The following COL4A6 variants were observed in gnomAD, a reference collection of about 807,000 sequenced individuals.
COL4A6 encodes collagen alpha-6(IV) chain.
A neutral mutation model predicts 126.7 loss-of-function variants in COL4A6; 59 were observed. The ratio of observed to expected loss-of-function variants is 0.47; its 90% confidence interval spans 0.38 to 0.58. COL4A6 has a LOEUF of 0.58. Ranked by LOEUF, COL4A6 falls within the 20% of genes least tolerant of loss-of-function variation. COL4A6 has a pLI of 0.00. For missense variants in COL4A6, 1,285 were observed against 1,337.3 expected, an observed-to-expected ratio of 0.96 and a Z score of 0.61; for synonymous variants, 547 against 496.6, an observed-to-expected ratio of 1.10 and a Z score of -1.35.
At position 108,160,622 on chromosome X, in the gene COL4A6, G is replaced by T. The variant is rs1370035288; in HGVS notation, c.4366C>A (p.Pro1456Thr). 2 of 1,208,305 alleles carry T rather than the reference G, an allele frequency of 1.7e-6. No homozygotes were observed. Among genetic ancestry groups the T allele is most frequent in the East Asian group, 3.0e-5 (1 of 33,742 alleles). ...CTCATGCTCTGGCCAGGCATTCCAG[G>T]CATCCCGAAGGGGCCTTGCTGCCCT... ...APGQQGPFGM[P>T]GMPGQSMRVG... is the part of the protein sequence containing the mutation. Residue 1456 changes from proline to threonine, a missense_variant, in exon 43 of 45, where the codon CCT becomes ACT. Transcript: ENST00000334504.
intron 2 of COL4A6, among the ~76,000 whole-genome samples, chrX:108,391,216 A>G (rs1313728801): frequency 1.8e-5 from 2 of 112,028 alleles, no homozygotes; most frequent in African/African-American, 3.3e-5. Context: ...ATCAGAGCAC[A>G]AACGCTGTGC....
At chrX:108,306,946 C>G (rs1022734937) in intron 3 of COL4A6, among the ~76,000 whole-genome samples, 1 of 110,258 alleles carries the variant, frequency 9.1e-6, no homozygotes, top group African/African-American at 3.3e-5. Context: ...TTAAGGAATA[C>G]TAGGCTCAGA....
chrX:108,379,381 C>T (rs2040513921), intron 2 of COL4A6, among the ~76,000 whole-genome samples: 1 of 108,115 alleles, frequency 9.2e-6, no homozygotes, highest in South Asian at 4.2e-4. Context: ...TCTTGAGTAG[C>T]TGGGACTACA....
chrX:108,197,521 T>C (rs1214653160), intron 13 of COL4A6, among the ~76,000 whole-genome samples: 1 of 112,117 alleles, frequency 8.9e-6, no homozygotes, highest in Non-Finnish European at 1.9e-5. Context: ...AAGGAGGCAA[T>C]GAAGAAAAGG....
chrX:108,378,643 C>G (rs772086637), intron 2 of COL4A6, among the ~76,000 whole-genome samples: 1 of 112,640 alleles, frequency 8.9e-6, no homozygotes, highest in South Asian at 3.7e-4. Context: ...TTGTATGCCA[C>G]TTCCAGGTAT....
intron 3 of COL4A6, among the ~76,000 whole-genome samples, chrX:108,237,656 T>C (rs2036461487): frequency 8.9e-6 from 1 of 112,031 alleles, no homozygotes; most frequent in Non-Finnish European, 1.9e-5. Flanking sequence ...AAGAGCCAAG[T>C]TAATTACATC....
chrX:108,258,002 G>T (rs1380861574), intron 3 of COL4A6, among the ~76,000 whole-genome samples: 6 of 111,770 alleles, frequency 5.4e-5, no homozygotes, highest in Non-Finnish European at 1.1e-4. Context: ...AAGAATGTTT[G>T]TCAGAAGTTG....
intron 13 of COL4A6, among the ~76,000 whole-genome samples, chrX:108,198,456 GAAA>G (rs1048094213): frequency 9.2e-6 from 1 of 108,430 alleles, no homozygotes; most frequent in Non-Finnish European, 1.9e-5. Context: ...ATGTAAAAAG[GAAA>G]AAAAAAGACA....
intron 2 of COL4A6, among the ~76,000 whole-genome samples, chrX:108,391,346 A>G (rs1179972892): frequency 1.8e-5 from 2 of 111,686 alleles, no homozygotes; most frequent in African/African-American, 3.3e-5. Context: ...GGTTTTATCT[A>G]TAAGTCCCTG....
At chrX:108,370,297 C>T (rs2040295709) in intron 2 of COL4A6, among the ~76,000 whole-genome samples, 1 of 111,774 alleles carries the variant, frequency 8.9e-6, no homozygotes, top group African/African-American at 3.3e-5. Flanking sequence ...ATACAACTCC[C>T]TTTATTTTCT....
rs187717752 is a variant in COL4A6, at chrX:108,293,344, G to A, written c.144+17404C>T. 2.1e-4 allele frequency among the ~76,000 whole-genome samples: 24 copies of A among 111,644 alleles called. 1 individual carries two copies. The highest frequency in any genetic ancestry group is 3.8e-4 in the Non-Finnish European group (20 of 53,161). On this transcript the variant is annotated intron_variant, in intron 3 of 44. Transcript: ENST00000334504. ...AATACATAATAAAGCCCTTAGCAAA[G>A]TGTCTCACCTATGATAAGTACTTAA...
At chrX:108,356,874 T>C (rs190681927) in intron 2 of COL4A6, among the ~76,000 whole-genome samples, 7 of 107,369 alleles carry the variant, frequency 6.5e-5, no homozygotes, top group African/African-American at 2.4e-4. Context: ...TCTATTAGAA[T>C]AATAAGAGCA....
At chrX:108,435,990 C>T (rs769998893) in intron 2 of COL4A6, among the ~76,000 whole-genome samples, 2 of 111,198 alleles carry the variant, frequency 1.8e-5, no homozygotes, top group African/African-American at 6.5e-5. Flanking sequence ...AGAACCAGCC[C>T]GTATAGATAA....
Position 108,229,151 on chromosome X carries a change from T to C in COL4A6, c.145-7777A>G, listed in dbSNP as rs1474251979. 2.7e-5 allele frequency among the ~76,000 whole-genome samples: 3 copies of C among 112,125 alleles called. No homozygotes were observed. In the East Asian group the frequency reaches 8.4e-4, roughly 31 times the overall value. On this transcript the variant is annotated intron_variant, in intron 3 of 44. Coordinates refer to ENST00000334504, the MANE Select transcript of COL4A6 (RefSeq NM_033641.4). ...AATTTACAGATGCTGAGGTGTTTAA[T>C]CTGGTACATTAGCATGTTTTGTTTT...
chrX:108,306,370 G>A (rs754345180), intron 3 of COL4A6, among the ~76,000 whole-genome samples: 1 of 111,639 alleles, frequency 9.0e-6, no homozygotes, highest in Non-Finnish European at 1.9e-5. Flanking sequence ...CACCCAAGGA[G>A]GTGATATAAA....
intron 2 of COL4A6, among the ~76,000 whole-genome samples, chrX:108,372,664 C>G (rs1358348233): frequency 9.0e-6 from 1 of 111,658 alleles, no homozygotes; most frequent in Admixed American, 9.5e-5. Flanking sequence ...AAAGCTCAGT[C>G]TCTAAGGAGG....
intron 2 of COL4A6, among the ~76,000 whole-genome samples, chrX:108,399,730 A>G (rs1229316883): frequency 8.9e-6 from 1 of 111,839 alleles, no homozygotes; most frequent in African/African-American, 3.2e-5. Context: ...AACCATTTTG[A>G]AAGTTTGATA....
At chrX:108,257,488 G>C (rs1468295526) in intron 3 of COL4A6, among the ~76,000 whole-genome samples, 1 of 111,629 alleles carries the variant, frequency 9.0e-6, no homozygotes, top group Non-Finnish European at 1.9e-5. Flanking sequence ...TACTAAGGTA[G>C]ACCCATTACT....
chrX:108,270,018 G>GTTATGGATA (rs2037406694), intron 3 of COL4A6, among the ~76,000 whole-genome samples: 1 of 112,031 alleles, frequency 8.9e-6, no homozygotes, highest in Non-Finnish European at 1.9e-5. Flanking sequence ...AGTTCATACA[G>GTTATGGATA]CCTCTTATGG....
Sources: gnomAD v4.1 joint callset for allele counts (sites outside exome capture counted in the v4.1 genomes callset) on GRCh38, gnomAD v4.1.1 for gene constraint, MANE v1.5 for transcripts, NCBI Gene and HGNC (gene_info 2026-07-23, HGNC 2026-07-21) for gene names.